SPTLC1: variants seen among roughly 807,000 people sequenced by gnomAD.
The protein encoded by SPTLC1 is serine palmitoyltransferase long chain base subunit 1, also known as serine palmitoyltransferase 1.
A neutral mutation model predicts 68.9 loss-of-function variants in SPTLC1; 55 were observed. The observed-to-expected ratio is 0.80, with a 90% CI of 0.64 to 1.00. SPTLC1 has a LOEUF of 1.00. SPTLC1 is among the 50% of genes least tolerant of loss of function. The probability of loss-of-function intolerance (pLI) is 0.00; values close to 1 mark genes in which losing one functional copy is unlikely to be tolerated. For synonymous variants in SPTLC1, 197 were observed against 201.6 expected (o/e 0.98, Z 0.19); for missense variants, 449 against 573.1 (o/e 0.78, Z 2.21).
At chr9:92,061,568 C>G (rs1432224740) in intron 6 of SPTLC1, among the ~76,000 whole-genome samples, 1 of 152,136 alleles carries the variant, frequency 6.6e-6, no homozygotes, top group Non-Finnish European at 1.5e-5. Flanking sequence ...GAGGAAGGAG[C>G]ACAGTAAGTA....
chr9:92,044,241 AAG>A (rs1833438684), intron 12 of SPTLC1, among the ~76,000 whole-genome samples: 1 of 152,236 alleles, frequency 6.6e-6, no homozygotes, highest in Admixed American at 6.5e-5. Flanking sequence ...ATGAGAAGAA[AAG>A]AGAAGCACAG....
At chr9:92,081,575 A>T (rs1170949562) in intron 3 of SPTLC1, among the ~76,000 whole-genome samples, 1 of 152,210 alleles carries the variant, frequency 6.6e-6, no homozygotes, top group Non-Finnish European at 1.5e-5. Flanking sequence ...GGGCTCCTGA[A>T]GGTACTTCCG....
rs115219401 is a variant in SPTLC1 at position 92,037,317 on chromosome 9, T to C, written c.1254+931A>G. On this transcript the variant is annotated intron_variant, in intron 13 of 14. Transcript: ENST00000262554. The stretch of plus-strand genomic sequence containing the variant: ...CCCAGAAACCTAGTAGCATTGCTCA[T>C]AGCTACAGCCTCTGGACAAGGAAGC... Among the ~76,000 whole-genome samples, 1,044 of 152,348 alleles carry C rather than the reference T, an allele frequency of 6.9e-3. 11 individuals carry two copies. The highest frequency in any genetic ancestry group is 0.024 in the African/African-American group (988 of 41,580).
chr9:92,039,260 AATT>A (rs1446969394), intron 12 of SPTLC1, among the ~76,000 whole-genome samples: 59 of 152,286 alleles, frequency 3.9e-4, no homozygotes, highest in Non-Finnish European at 4.4e-5. Flanking sequence ...CTTGGATTAA[AATT>A]ATTTTCTTTT....
intron 6 of SPTLC1, among the ~76,000 whole-genome samples, chr9:92,067,304 C>CAAA (rs770486590): frequency 0.018 from 1,761 of 98,836 alleles, 29 homozygotes; most frequent in Middle Eastern, 0.026. Context: ...ATCTCACACA[C>CAAA]AAAAAAAAAA....
chr9:92,098,216 A>C (rs1022180207), intron 3 of SPTLC1, among the ~76,000 whole-genome samples: 1 of 151,976 alleles, frequency 6.6e-6, no homozygotes, highest in African/African-American at 2.4e-5. Flanking sequence ...TTCCGGGTTC[A>C]CCTTTCCTGT....
intron 9 of SPTLC1, among the ~76,000 whole-genome samples, chr9:92,047,982 G>A (rs10820935): frequency 0.089 from 13,504 of 152,102 alleles, 1,080 homozygotes; most frequent in East Asian, 0.27. Context: ...TAAATTATAA[G>A]AAAATAAAAC....
intron 14 of SPTLC1, among the ~76,000 whole-genome samples, chr9:92,033,571 G>A (rs925177970): frequency 1.3e-5 from 2 of 152,296 alleles, no homozygotes; most frequent in African/African-American, 2.4e-5. Context: ...CTTTGGATGA[G>A]TGCAATAAAA....
intron 12 of SPTLC1, among the ~76,000 whole-genome samples, chr9:92,044,594 C>T (rs1205085528): frequency 1.3e-5 from 2 of 152,078 alleles, no homozygotes; most frequent in African/African-American, 4.8e-5. Context: ...CGTCAGGTGA[C>T]AGGCAAGAGG....
At chr9:92,103,520 C>T (rs950399268) in intron 3 of SPTLC1, among the ~76,000 whole-genome samples, 2 of 152,206 alleles carry the variant, frequency 1.3e-5, no homozygotes, top group Admixed American at 1.3e-4. Flanking sequence ...CCTGGCTGGG[C>T]CATGACCACC....
chr9:92,113,230 T>C (rs1435339378), intron 1 of SPTLC1, among the ~76,000 whole-genome samples: 2 of 152,244 alleles, frequency 1.3e-5, no homozygotes, highest in East Asian at 1.9e-4. Flanking sequence ...TCAACACGCA[T>C]AGGATTTGGG....
intron 5 of SPTLC1, chr9:92,079,411 A>C: frequency 6.4e-7 from 1 of 1,555,016 alleles, no homozygotes; most frequent in Non-Finnish European, 8.6e-7. Context: ...AGGAGCAAAG[A>C]ATATACACTT....
chr9:92,050,697 C>A (rs1461638760), intron 8 of SPTLC1, among the ~76,000 whole-genome samples: 1 of 151,808 alleles, frequency 6.6e-6, no homozygotes, highest in African/African-American at 2.4e-5. Context: ...TTTAGTATTT[C>A]TTATTCCAGT....
intron 8 of SPTLC1, among the ~76,000 whole-genome samples, chr9:92,052,531 A>T (rs1047450928): frequency 3.0e-4 from 46 of 150,820 alleles, no homozygotes; most frequent in East Asian, 5.8e-4. Flanking sequence ...GATTATTATT[A>T]TTATTTTTTT....
chr9:92,056,544 A>G (rs1463712849), intron 7 of SPTLC1, among the ~76,000 whole-genome samples: 1 of 152,078 alleles, frequency 6.6e-6, no homozygotes, highest in Non-Finnish European at 1.5e-5. Flanking sequence ...TTCAAAAAAC[A>G]CACACCTTCA....
At chr9:92,079,630 A>T in intron 5 of SPTLC1, 1 of 1,408,748 alleles carries the variant, frequency 7.1e-7, no homozygotes, top group Non-Finnish European at 1.0e-6. Context: ...TCTGCTCTCC[A>T]CTTTCTTCCT....
intron 2 of SPTLC1, chr9:92,109,817 A>C (rs2118830285): frequency 6.6e-6 from 1 of 152,410 alleles, no homozygotes; most frequent in African/African-American, 2.4e-5. Flanking sequence ...TAATACAAAT[A>C]CAAAATTTGC....
chr9:92,071,404 CACA>C (rs749026869), intron 5 of SPTLC1, among the ~76,000 whole-genome samples: 17 of 152,038 alleles, frequency 1.1e-4, no homozygotes, highest in Non-Finnish European at 5.9e-5. Flanking sequence ...CCGTCTCAAC[CACA>C]ACAACACACA....
chr9:92,091,629 C>T (rs964504178), intron 3 of SPTLC1, among the ~76,000 whole-genome samples: 32 of 152,120 alleles, frequency 2.1e-4, no homozygotes, highest in Non-Finnish European at 2.6e-4. Flanking sequence ...ATTTACATAT[C>T]AAATTGGCCA....
Sources: allele counts gnomAD v4.1 joint callset (sites outside exome capture counted in the v4.1 genomes callset), GRCh38; gene constraint gnomAD v4.1.1; transcripts MANE v1.5; gene names NCBI Gene and HGNC (gene_info 2026-07-23, HGNC 2026-07-21).